Variants in SENP6 observed in about 807,000 individuals in gnomAD.
SENP6 encodes the protein sentrin-specific protease 6.
In SENP6, 41 loss-of-function variants were observed where a neutral mutation model predicts 134.5. The ratio of observed to expected loss-of-function variants is 0.30; its 90% CI spans 0.24 to 0.40. The LOEUF (loss-of-function observed/expected upper bound fraction) is 0.40. Ranked by LOEUF, SENP6 falls within the 10% of genes least tolerant of loss-of-function variation. SENP6 has a pLI of 1.00. For synonymous variants in SENP6, 395 were observed against 429.8 expected (o/e 0.92, Z 1.00); for missense variants, 1,248 against 1,312.5 (o/e 0.95, Z 0.76).
chr6:75,698,319 G>C (rs1352354220), intron 18 of SENP6, among the ~76,000 whole-genome samples: 1 of 152,188 alleles, frequency 6.6e-6, no homozygotes, highest in Non-Finnish European at 1.5e-5. Flanking sequence ...GAAGAAGAAT[G>C]TTGGCTATTT....
intron 21 of SENP6, 120 bp downstream of exon 21, chr6:75,711,536 C>A: frequency 3.5e-6 from 2 of 573,942 alleles, no homozygotes; most frequent in Non-Finnish European, 5.9e-6. Context: ...CTGTCAGAGT[C>A]AGTGAGGAAA....
chr6:75,684,908 C>G (rs181017541), intron 16 of SENP6, among the ~76,000 whole-genome samples: 17 of 152,272 alleles, frequency 1.1e-4, no homozygotes, highest in Admixed American at 2.6e-4. Context: ...TGATTCTGGC[C>G]TCATAAAATG....
chr6:75,648,446 C>T (rs1770619750), intron 7 of SENP6, among the ~76,000 whole-genome samples: 1 of 152,010 alleles, frequency 6.6e-6, no homozygotes, highest in Non-Finnish European at 1.5e-5. Context: ...GCTCTTACTT[C>T]CAAAATAGAA....
chr6:75,711,031 G>T (rs1021552161), intron 20 of SENP6, among the ~76,000 whole-genome samples: 2 of 152,128 alleles, frequency 1.3e-5, no homozygotes, highest in African/African-American at 4.8e-5. Context: ...GTAATATTTG[G>T]TGGGAGAAGA....
chr6:75,625,056 G>T (rs946860584), intron 3 of SENP6, among the ~76,000 whole-genome samples: 5 of 149,728 alleles, frequency 3.3e-5, no homozygotes, highest in Non-Finnish European at 5.9e-5. Context: ...GTATTTTGGA[G>T]AAATTGGCCC....
chr6:75,625,205 G>A (rs544292059), intron 3 of SENP6, among the ~76,000 whole-genome samples: 27 of 141,656 alleles, frequency 1.9e-4, no homozygotes, highest in Admixed American at 3.8e-4. Flanking sequence ...TCTGTCTCCC[G>A]GGTTCAAACA....
At chr6:75,670,961 T>TGA (rs1368715741) in intron 11 of SENP6, among the ~76,000 whole-genome samples, 1 of 152,078 alleles carries the variant, frequency 6.6e-6, no homozygotes, top group Non-Finnish European at 1.5e-5. Context: ...AAACTTTCAA[T>TGA]GAGTTAGAAA....
chr6:75,675,526 C>CA (rs1773020953), intron 12 of SENP6, 58 bp downstream of exon 12: 1 of 1,057,942 alleles, frequency 9.5e-7, no homozygotes, highest in South Asian at 1.5e-5. Flanking sequence ...AAGCACTTTA[C>CA]AGGAATAAAA....
chr6:75,716,904 G>A lies in SENP6; in HGVS notation c.*1310G>A, dbSNP rs1210226984. The stretch of plus-strand genomic sequence containing the variant: ...CTGACATTGCAGTCAATATCTTAGG[G>A]TATTTTCTTGAATTTAATAAAGTCC... On this transcript the variant is annotated 3_prime_UTR_variant, in exon 24 of 24. Coordinates refer to ENST00000447266, the MANE Select transcript of SENP6 (RefSeq NM_015571.4). 6.6e-6 allele frequency: 1 copy of A among 151,798 alleles called. No individual in the cohort carries two copies. The highest frequency in any genetic ancestry group is 1.5e-5 in the Non-Finnish European group (1 of 67,802). The allele number at this position is 151,798 out of a possible 1,614,324, so 9.4% of individuals were successfully genotyped here. A position where few individuals can be genotyped will look rare whatever the true frequency, so the allele number is the denominator to read the frequency against.
chr6:75,615,554 T>C (rs1005033172), intron 1 of SENP6, among the ~76,000 whole-genome samples: 10 of 152,236 alleles, frequency 6.6e-5, no homozygotes, highest in African/African-American at 2.4e-4. Flanking sequence ...ACTTTTGCTT[T>C]TTAGAATAAA....
chr6:75,703,944 T>C (rs1775216338), intron 19 of SENP6, among the ~76,000 whole-genome samples: 1 of 152,208 alleles, frequency 6.6e-6, no homozygotes, highest in East Asian at 1.9e-4. Flanking sequence ...ATTTACAGTA[T>C]TCAGCATTAA....
intron 3 of SENP6, among the ~76,000 whole-genome samples, chr6:75,629,839 C>T (rs553272467): frequency 4.6e-5 from 7 of 152,248 alleles, no homozygotes; most frequent in Admixed American, 1.3e-4. Context: ...TTGAGGACTG[C>T]AACCTGGGAG....
In SENP6 at chr6:75,689,383, A is replaced by G. The variant is rs1774077399; in HGVS notation, c.2076-6421A>G. Among the ~76,000 whole-genome samples, 4 of 152,204 alleles carry G rather than the reference A, an allele frequency of 2.6e-5. No individual in the cohort carries two copies. The South Asian group carries it at 6.2e-4, about 24-fold the overall frequency. ...CATCAAAACAATATAACACAGTGTC[A>G]TCTCACATCCATTAGGATGGCTACT... On this transcript the variant is annotated intron_variant, in intron 16 of 23. Coordinates refer to ENST00000447266, the MANE Select transcript of SENP6 (RefSeq NM_015571.4).
chr6:75,602,456 C>T lies in SENP6; in HGVS notation c.-69C>T, dbSNP rs1329943251. The T allele has an allele frequency of 2.6e-6, 4 of 1,534,502 alleles. No homozygotes were observed. In the South Asian group the frequency reaches 3.6e-5, roughly 14 times the overall value. Reference sequence around the variant, plus strand: ...GCGTCTACCCTCCTCCGGCGCGGCCCCTCATCCCGGCGAGCACGGCGGCGG... The same window carrying T: ...GCGTCTACCCTCCTCCGGCGCGGCCTCTCATCCCGGCGAGCACGGCGGCGG... On this transcript the variant is annotated 5_prime_UTR_variant, in exon 1 of 24. Transcript: ENST00000447266.
At chr6:75,681,332 C>G (rs528621111) in intron 16 of SENP6, among the ~76,000 whole-genome samples, 2 of 152,290 alleles carry the variant, frequency 1.3e-5, no homozygotes, top group East Asian at 3.9e-4. Context: ...AGATGTATGT[C>G]CTTCCTCTTC....
chr6:75,649,750 C>T (rs573648752), intron 7 of SENP6, among the ~76,000 whole-genome samples: 3 of 152,252 alleles, frequency 2.0e-5, no homozygotes, highest in East Asian at 1.9e-4. Context: ...CTCCTGACCT[C>T]GTGATCCACC....
chr6:75,673,547 C>A (rs966629183), intron 11 of SENP6, among the ~76,000 whole-genome samples: 14 of 151,062 alleles, frequency 9.3e-5, no homozygotes, highest in Non-Finnish European at 1.8e-4. Context: ...TGGTCTCAAA[C>A]TCCTGACCTC....
chr6:75,678,858 C>G lies in SENP6; in HGVS notation c.2006C>G (p.Thr669Ser). Residue 669 changes from threonine to serine, a missense_variant, in exon 16 of 24, where the codon ACC becomes AGC. Physicochemically the swap from Thr to Ser is moderately conservative, Grantham distance 58. Transcript: ENST00000447266. ...CCAGCTAAGGGAGGCATCTCTGTTA[C>G]CAATGAGGACCTGCACTGTCTAAAT... ...PPPAKGGISV[T>S]NEDLHCLNEG... 1 of 1,608,376 alleles carries G rather than the reference C, an allele frequency of 6.2e-7. No homozygotes were observed. The highest frequency in any genetic ancestry group is 1.1e-5 in the South Asian group (1 of 90,698).
intron 7 of SENP6, among the ~76,000 whole-genome samples, chr6:75,651,145 C>G (rs1251633092): frequency 6.6e-6 from 1 of 152,092 alleles, no homozygotes; most frequent in Non-Finnish European, 1.5e-5. Context: ...TACAGAATAA[C>G]AACCGTTAAG....
Sources: allele counts gnomAD v4.1 joint callset (sites outside exome capture counted in the v4.1 genomes callset), GRCh38; gene constraint gnomAD v4.1.1; transcripts MANE v1.5; gene names NCBI Gene and HGNC (gene_info 2026-07-23, HGNC 2026-07-21).